The following TANC1 variants were observed in gnomAD, a reference collection of about 807,000 sequenced individuals.
TANC1 encodes the protein protein TANC1.
Under a neutral mutation model 149.7 loss-of-function variants are expected in TANC1, and 77 were observed. The observed-to-expected ratio is 0.51, with a 90% CI of 0.43 to 0.62. The LOEUF (loss-of-function observed/expected upper bound fraction) is 0.62. TANC1 is among the 20% of genes least tolerant of loss of function. The probability of loss-of-function intolerance (pLI) is 0.00; values close to 1 mark genes in which losing one functional copy is unlikely to be tolerated. For synonymous variants in TANC1, 854 were observed against 925.0 expected, an observed-to-expected ratio of 0.92 and a Z score of 1.39; for missense variants, 1,985 against 2,321.8, an observed-to-expected ratio of 0.85 and a Z score of 2.98.
chr2:158,991,075 G>A (rs2035573419), intron 1 of TANC1, among the ~76,000 whole-genome samples: 1 of 120,016 alleles, frequency 8.3e-6, no homozygotes, highest in Non-Finnish European at 1.6e-5. Flanking sequence ...CTGGGTGACA[G>A]AGCCAGATCC....
intron 1 of TANC1, among the ~76,000 whole-genome samples, chr2:158,971,398 T>A (rs968929355): frequency 6.6e-6 from 1 of 152,220 alleles, no homozygotes; most frequent in African/African-American, 2.4e-5. Flanking sequence ...AGAAATGGCT[T>A]TATTTTTATC....
intron 24 of TANC1, chr2:159,227,496 T>G (rs752582030): frequency 3.6e-6 from 1 of 279,562 alleles, no homozygotes; most frequent in Non-Finnish European, 6.6e-6. Flanking sequence ...CTTGAAATAA[T>G]TTTCAAAAAT....
At chr2:159,214,955 C>T (rs779498091) in intron 19 of TANC1, among the ~76,000 whole-genome samples, 16 of 152,208 alleles carry the variant, frequency 1.1e-4, no homozygotes, top group Admixed American at 5.2e-4. Flanking sequence ...TCAGCCAGGC[C>T]TACAGACTGG....
chr2:159,083,221 C>T (rs963589915), intron 3 of TANC1, among the ~76,000 whole-genome samples: 1 of 151,638 alleles, frequency 6.6e-6, no homozygotes, highest in African/African-American at 2.4e-5. Flanking sequence ...TCCCAAAGTG[C>T]TGGGATTACA....
chr2:159,224,328 G>C lies in TANC1; in HGVS notation c.3775G>C (p.Val1259Leu), dbSNP rs997819999. 5.0e-6 allele frequency: 8 copies of C among 1,614,194 alleles called. No homozygotes were observed. The highest frequency in any genetic ancestry group is 5.9e-6 in the Non-Finnish European group (7 of 1,180,044). Residue 1259 changes from valine to leucine, a missense_variant, in exon 23 of 27, where the codon GTA (valine) becomes CTA (leucine). Around this residue, in one of 3 missense-constraint regions of TANC1, gnomAD observed 920 missense variants for 994.7 expected, o/e 0.92. Transcript: ENST00000263635. ...AGCCATCGGCTGCCGGAACACATCTGTAGTGGTGGCGCTACTCAGAAAGGG... is the reference window on the plus strand; with the variant it reads ...AGCCATCGGCTGCCGGAACACATCTCTAGTGGTGGCGCTACTCAGAAAGGG... ...DRAIGCRNTS[V>L]VVALLRKGAK...
intron 2 of TANC1, among the ~76,000 whole-genome samples, chr2:159,012,876 A>T (rs1337374843): frequency 6.6e-6 from 1 of 152,146 alleles, no homozygotes; most frequent in African/African-American, 2.4e-5. Context: ...GGGATGTAGG[A>T]GGCTACTCTT....
chr2:159,124,949 C>T (rs976740332), intron 4 of TANC1, among the ~76,000 whole-genome samples: 1 of 147,528 alleles, frequency 6.8e-6, no homozygotes, highest in Non-Finnish European at 1.5e-5. Context: ...CACCATGTTT[C>T]CCAGGCTGGT....
chr2:159,077,192 C>T (rs1035783118), intron 3 of TANC1, among the ~76,000 whole-genome samples: 20 of 150,288 alleles, frequency 1.3e-4, no homozygotes, highest in African/African-American at 4.7e-4. Context: ...CTAGTTGCTG[C>T]GCTACAGGCG....
chr2:158,994,441 T>C (rs956495384), intron 1 of TANC1, among the ~76,000 whole-genome samples: 1 of 152,112 alleles, frequency 6.6e-6, no homozygotes, highest in African/African-American at 2.4e-5. Context: ...TGCTAATCTT[T>C]TATTTATTTT....
chr2:159,045,348 C>A (rs1246869514), intron 2 of TANC1, among the ~76,000 whole-genome samples: 1 of 152,156 alleles, frequency 6.6e-6, no homozygotes, highest in Non-Finnish European at 1.5e-5. Flanking sequence ...ATGAGAATTG[C>A]TTGAACTCGG....
At chr2:159,169,987 A>C (rs1376137295) in intron 9 of TANC1, among the ~76,000 whole-genome samples, 1 of 149,384 alleles carries the variant, frequency 6.7e-6, no homozygotes, top group Non-Finnish European at 1.5e-5. Flanking sequence ...GAGTGAAACT[A>C]TCTCAAAAAA....
At chr2:159,218,285 C>T (rs1418689853) in intron 20 of TANC1, among the ~76,000 whole-genome samples, 2 of 152,170 alleles carry the variant, frequency 1.3e-5, no homozygotes, top group African/African-American at 4.8e-5. Context: ...CATGGAATCG[C>T]GTCTCTGCTG....
Position 159,092,160 on chromosome 2 carries a change from G to A in TANC1, c.62-5477G>A, listed in dbSNP as rs569822224. On this transcript the variant is annotated intron_variant, in intron 3 of 26. Coordinates refer to ENST00000263635, the MANE Select transcript of TANC1 (RefSeq NM_033394.3). ...TCTTTTTCTATTCTAAGCTTCTATC[G>A]CCCCACCCCACCTCAGCCACTTCAG... 2.6e-5 allele frequency among the ~76,000 whole-genome samples: 4 copies of A among 152,152 alleles called. No individual in the cohort carries two copies. The South Asian group carries it at 8.3e-4, about 32-fold the overall frequency.
In TANC1 at chr2:159,052,004, T is replaced by C. The variant is rs1021275805; in HGVS notation, c.-15-13892T>C. 5.3e-5 allele frequency among the ~76,000 whole-genome samples: 8 copies of C among 152,294 alleles called. No individual in the cohort carries two copies. The South Asian group carries it at 1.7e-3, about 32-fold the overall frequency. On this transcript the variant is annotated intron_variant, in intron 2 of 26. Transcript: ENST00000263635. ...TATGGGCATCCCCTGATTTAGGGCA[T>C]ACAGCTGGGGAATGGCCTGTGACTG... is the stretch of plus-strand genomic sequence containing the variant.
chr2:159,223,571 T>C (rs1245038920), intron 22 of TANC1, among the ~76,000 whole-genome samples: 1 of 152,180 alleles, frequency 6.6e-6, no homozygotes, highest in Middle Eastern at 3.2e-3. Context: ...GGCTAAAAAA[T>C]GGCTACAGGC....
At chr2:159,053,291 GAGAA>G (rs2041606531) in intron 2 of TANC1, among the ~76,000 whole-genome samples, 1 of 150,770 alleles carries the variant, frequency 6.6e-6, no homozygotes, top group South Asian at 2.1e-4. Flanking sequence ...AAAAAAAAAA[GAGAA>G]AAAAATAAAG....
chr2:159,134,187 T>A (rs1307066529), intron 4 of TANC1, among the ~76,000 whole-genome samples: 1 of 152,204 alleles, frequency 6.6e-6, no homozygotes, highest in African/African-American at 2.4e-5. Flanking sequence ...TACTACCCCT[T>A]CTCTTACTGA....
Position 159,172,718 on chromosome 2 carries a change from C to A in TANC1, c.1503+446C>A, listed in dbSNP as rs114551824. Among the ~76,000 whole-genome samples the A allele has an allele frequency of 1.1e-3, 172 of 152,342 alleles. 1 individual carries two copies. Among genetic ancestry groups the A allele is most frequent in the African/African-American group, 4.1e-3 (169 of 41,586 alleles). ...TTGTAATAGAGCCTTCCTTGGCTAA[C>A]TTTCCCTTCTTAAATTTGTGATCAT... On this transcript the variant is annotated intron_variant, in intron 11 of 26. Transcript: ENST00000263635.
At chr2:159,214,361 T>C (rs2059210655) in intron 19 of TANC1, among the ~76,000 whole-genome samples, 1 of 152,140 alleles carries the variant, frequency 6.6e-6, no homozygotes, top group Admixed American at 6.5e-5. Flanking sequence ...AGGTCATACA[T>C]AGCAACTGGG....
Sources: gnomAD v4.1 joint callset for allele counts (sites outside exome capture counted in the v4.1 genomes callset) on GRCh38, gnomAD v4.1.1 for gene constraint, gnomAD v4.1.1 regional missense constraint, MANE v1.5 for transcripts, NCBI Gene and HGNC (gene_info 2026-07-23, HGNC 2026-07-21) for gene names.